Variants in EPB41L1 observed in about 807,000 individuals in gnomAD.
EPB41L1 encodes erythrocyte membrane protein band 4.1 like 1, also known as band 4.1-like protein 1.
In EPB41L1, 29 loss-of-function variants were observed where a neutral mutation model predicts 97.8. The observed-to-expected ratio is 0.30, with a 90% CI of 0.22 to 0.40. EPB41L1 has a LOEUF of 0.40. Among genes scored for constraint, EPB41L1 ranks in the 10% least tolerant of loss-of-function variants. EPB41L1 has a pLI of 1.00. For missense variants in EPB41L1, 812 were observed against 1,162.3 expected, an observed-to-expected ratio of 0.70 and a Z score of 4.38; for synonymous variants, 383 against 459.2, an observed-to-expected ratio of 0.83 and a Z score of 2.12.
chr20:36,096,958 T>G (rs1374334794), intron 1 of EPB41L1, among the ~76,000 whole-genome samples: 2 of 152,266 alleles, frequency 1.3e-5, no homozygotes, highest in Non-Finnish European at 2.9e-5. Context: ...CCTGTCTTTT[T>G]CAATGCTGCA....
At chr20:36,104,988 T>C (rs1164630548) in intron 1 of EPB41L1, among the ~76,000 whole-genome samples, 2 of 151,784 alleles carry the variant, frequency 1.3e-5, no homozygotes, top group African/African-American at 4.8e-5. Flanking sequence ...GTTGCTAGGG[T>C]GTGTGCGTGA....
At chr20:36,221,267 C>T (rs949900803) in intron 19 of EPB41L1, among the ~76,000 whole-genome samples, 13 of 152,192 alleles carry the variant, frequency 8.5e-5, no homozygotes, top group South Asian at 2.1e-4. Context: ...CAGAAAACAG[C>T]GGAGGTCATA....
intron 4 of EPB41L1, 145 bp from the exon 5 acceptor site, chr20:36,178,485 A>G (rs976729344): frequency 6.0e-6 from 5 of 836,356 alleles, no homozygotes; most frequent in South Asian, 5.6e-5. Flanking sequence ...CCTAGTCCCA[A>G]GGAAAAGGAA....
rs115913065 is a variant in EPB41L1 at position 36,207,417 on chromosome 20, C to T, written c.1669-2071C>T. Reference sequence around the variant, plus strand: ...TCCAGGCTGGGGACCAAGAGGGCTCCCTAGAAGATATTAGCAAGACCTCAG... The same window carrying T: ...TCCAGGCTGGGGACCAAGAGGGCTCTCTAGAAGATATTAGCAAGACCTCAG... On this transcript the variant is annotated intron_variant, in intron 14 of 21. Coordinates refer to ENST00000338074, the MANE Select transcript of EPB41L1 (RefSeq NM_012156.2). The surrounding 1 kb of genome is among the most constrained non-coding windows in gnomAD (Gnocchi z 4.9). The T allele has an allele frequency of 1.1e-3, 1,435 of 1,289,680 alleles. 10 individuals carry two copies. The African/African-American group carries it at 0.02, about 18-fold the overall frequency. The allele number at this position is 1,289,680 out of a possible 1,614,324, so 79.9% of individuals were successfully genotyped here. A position where few individuals can be genotyped will look rare whatever the true frequency, so the allele number is the denominator to read the frequency against.
At position 36,092,229 on chromosome 20, in the gene EPB41L1, C is replaced by T. The variant is rs2057681226; in HGVS notation, c.-65+617C>T. 6.6e-6 allele frequency among the ~76,000 whole-genome samples: 1 copy of T among 152,102 alleles called. No homozygotes were observed. The highest frequency in any genetic ancestry group is 2.1e-4 in the South Asian group (1 of 4,832). ...CTGGGCGCGGGGCCGCGGGGTTACC[C>T]CGGGGCACCGGGCACAGAGCCGAGA... On this transcript the variant is annotated intron_variant, in intron 1 of 19. Transcript: ENST00000202028. This position sits in a 1 kb window ranked among gnomAD's most constrained non-coding sequence, Gnocchi z 7.0.
chr20:36,210,280 C>T (rs1233950911), intron 15 of EPB41L1, among the ~76,000 whole-genome samples: 2 of 152,076 alleles, frequency 1.3e-5, no homozygotes, highest in East Asian at 3.9e-4. Context: ...GATCCGGGCC[C>T]AGGCTTGTCT....
intron 21 of EPB41L1, among the ~76,000 whole-genome samples, chr20:36,226,852 AT>A (rs1261914735): frequency 6.6e-6 from 1 of 152,212 alleles, no homozygotes; most frequent in African/African-American, 2.4e-5. Context: ...CAGAATAATG[AT>A]TACACTGACT....
chr20:36,177,213 C>T (rs372650573), intron 3 of EPB41L1, among the ~76,000 whole-genome samples: 2 of 152,194 alleles, frequency 1.3e-5, no homozygotes, highest in Admixed American at 1.3e-4. Flanking sequence ...GTGACTGCCT[C>T]CTGTTCCCCT....
At chr20:36,127,431 G>A (rs888175049) in intron 2 of EPB41L1, among the ~76,000 whole-genome samples, 1 of 152,154 alleles carries the variant, frequency 6.6e-6, no homozygotes, top group African/African-American at 2.4e-5. Context: ...GGTGAGAGAC[G>A]AGTAAGGCTG....
intron 11 of EPB41L1, among the ~76,000 whole-genome samples, chr20:36,192,869 A>G (rs1024967974): frequency 3.3e-5 from 5 of 152,236 alleles, no homozygotes; most frequent in African/African-American, 1.2e-4. Flanking sequence ...AAGGGTGCCA[A>G]CTGGGCAGGG....
intron 7 of EPB41L1, among the ~76,000 whole-genome samples, chr20:36,186,734 T>G (rs1343199834): frequency 6.6e-6 from 1 of 152,152 alleles, no homozygotes; most frequent in Non-Finnish European, 1.5e-5. Context: ...CAGAGAAAGA[T>G]GTTCAGATCA....
intron 1 of EPB41L1, among the ~76,000 whole-genome samples, chr20:36,096,069 C>T (rs867216072): frequency 6.6e-6 from 1 of 152,024 alleles, no homozygotes; most frequent in Non-Finnish European, 1.5e-5. Context: ...GGTTCTCACG[C>T]CAGACCTAGG....
Position 36,206,932 on chromosome 20 carries a change from C to T in EPB41L1, c.1669-2556C>T, listed in dbSNP as rs528134298. On this transcript the variant is annotated intron_variant, in intron 14 of 21. Coordinates refer to ENST00000338074, the MANE Select transcript of EPB41L1 (RefSeq NM_012156.2). This position sits in a 1 kb window ranked among gnomAD's most constrained non-coding sequence, Gnocchi z 5.5. ...CGACCCCCAGGCCTGCGCCCTTCCT[C>T]GGGCCATCCCTCTGAATGTCAGGAA... 104 of 1,289,954 alleles carry T rather than the reference C, an allele frequency of 8.1e-5. No homozygotes were observed. The highest frequency in any genetic ancestry group is 7.6e-4 in the African/African-American group (50 of 66,020). 79.9% of individuals were successfully genotyped at this position (1,289,954 alleles called of 1,614,324 possible).
At chr20:36,173,160 C>G (rs900179778) in intron 1 of EPB41L1, among the ~76,000 whole-genome samples, 1 of 152,192 alleles carries the variant, frequency 6.6e-6, no homozygotes, top group East Asian at 1.9e-4. Context: ...TGAGCCTGTT[C>G]TTTTGACTTT....
At chr20:36,100,599 A>G (rs1220479789) in intron 1 of EPB41L1, among the ~76,000 whole-genome samples, 2 of 152,224 alleles carry the variant, frequency 1.3e-5, no homozygotes, top group Non-Finnish European at 2.9e-5. Flanking sequence ...CCGTCGTATT[A>G]CAGGAGGCTA....
At chr20:36,153,964 G>A (rs2060163555), upstream of EPB41L1, among the ~76,000 whole-genome samples, 1 of 152,116 alleles carries the variant, frequency 6.6e-6, no homozygotes, top group African/African-American at 2.4e-5. Flanking sequence ...TGGAGCTCAG[G>A]TGCACACTCA....
At position 36,232,752 on chromosome 20, in the gene EPB41L1, T is replaced by C. The variant is rs540277859; in HGVS notation, c.*3412T>C. 1 of 398,936 alleles carries C rather than the reference T, an allele frequency of 2.5e-6. No homozygotes were observed. The highest frequency in any genetic ancestry group is 2.1e-5 in the African/African-American group (1 of 48,640). 24.7% of individuals were successfully genotyped at this position (398,936 alleles called of 1,614,324 possible). On this transcript the variant is annotated 3_prime_UTR_variant, in exon 22 of 22. Transcript: ENST00000338074. ...TGCTGTATGCGTGTGCTCTCTGTTC[T>C]TGTATACTCAATATAAGTGAAATAA...
rs1173795936 is a variant in EPB41L1 at position 36,212,292 on chromosome 20, G to C, written c.2100G>C (p.Met700Ile). The change falls in exon 16 of 22, where the codon ATG becomes ATC. Residue 700 changes from methionine to isoleucine, a missense_variant. Met to Ile is a conservative substitution (Grantham distance 10). Coordinates refer to ENST00000338074, the MANE Select transcript of EPB41L1 (RefSeq NM_012156.2). This position sits in a 1 kb window ranked among gnomAD's most constrained non-coding sequence, Gnocchi z 4.8. ...TACAGCCCGTGAAAACAGAAACCAT[G>C]ACTGTCAGCAGTCTGGCCATTAGAA... ...PQFEPVKTET[M>I]TVSSLAIRKK... 3 of 1,614,066 alleles carry C rather than the reference G, an allele frequency of 1.9e-6. No homozygotes were observed. In the African/African-American group the frequency reaches 4.0e-5, roughly 22 times the overall value.
At chr20:36,210,823 G>A (rs141664726) in intron 15 of EPB41L1, among the ~76,000 whole-genome samples, 1 of 152,322 alleles carries the variant, frequency 6.6e-6, no homozygotes, top group Non-Finnish European at 1.5e-5. Flanking sequence ...CCAGGTGGCA[G>A]CTCCTCTAGG....
Sources: gnomAD v4.1 joint callset for allele counts (sites outside exome capture counted in the v4.1 genomes callset) on GRCh38, gnomAD v4.1.1 for gene constraint, Gnocchi (gnomAD v3.1) non-coding constraint, MANE v1.5 for transcripts, NCBI Gene and HGNC (gene_info 2026-07-23, HGNC 2026-07-21) for gene names.